Variants in FBXO8 observed in about 807,000 individuals in gnomAD.
The protein encoded by FBXO8 is F-box protein 8.
Under a neutral mutation model 33.4 loss-of-function variants are expected in FBXO8, and 15 were observed. That is an observed-to-expected ratio of 0.45 (90% confidence interval 0.30 to 0.69). FBXO8 has a LOEUF of 0.69. Ranked by LOEUF, FBXO8 falls within the 30% of genes least tolerant of loss-of-function variation. The probability of loss-of-function intolerance (pLI) is 0.08; values close to 1 mark genes in which losing one functional copy is unlikely to be tolerated. For synonymous variants in FBXO8, 132 were observed against 131.5 expected, an observed-to-expected ratio of 1.00 and a Z score of -0.02; for missense variants, 274 against 380.3, an observed-to-expected ratio of 0.72 and a Z score of 2.32.
rs964288691 is a variant in FBXO8, at chr4:174,254,639, T to C, written c.456+5060A>G. Among the ~76,000 whole-genome samples the C allele has an allele frequency of 1.3e-5, 2 of 152,206 alleles. No homozygotes were observed. Among genetic ancestry groups the C allele is most frequent in the Admixed American group, 1.3e-4 (2 of 15,280 alleles). ...TTCAGGTTTATTGCCTTACCCTTAC[T>C]GTCCAAAGTAATACTTCCCTTTCCA... On this transcript the variant is annotated intron_variant, in intron 3 of 5. Coordinates refer to ENST00000393674, the MANE Select transcript of FBXO8 (RefSeq NM_012180.3). This position sits in a 1 kb window ranked among gnomAD's most constrained non-coding sequence, Gnocchi z 4.2.
rs1029222575 is a variant in FBXO8, at chr4:174,245,780, T to C, written c.457-4562A>G. On this transcript the variant is annotated intron_variant, in intron 3 of 5. Transcript: ENST00000393674. The surrounding 1 kb of genome is among the most constrained non-coding windows in gnomAD (Gnocchi z 4.6). ...TATACAACTGTATATGTTACATATA[T>C]GTTACATATATGAAAATAACTTGAT... Among the ~76,000 whole-genome samples, 4 of 151,968 alleles carry C rather than the reference T, an allele frequency of 2.6e-5. No individual in the cohort carries two copies. Among genetic ancestry groups the C allele is most frequent in the Admixed American group, 6.6e-5 (1 of 15,206 alleles).
Position 174,252,118 on chromosome 4 carries a change from G to A in FBXO8, c.456+7581C>T, listed in dbSNP as rs1390114897. 5.3e-5 allele frequency among the ~76,000 whole-genome samples: 8 copies of A among 151,986 alleles called. No individual in the cohort carries two copies. The highest frequency in any genetic ancestry group is 1.9e-4 in the African/African-American group (8 of 41,406). ...TAAGTAGCTGCGACTCCAGACACATGCTATCATACCCGGTTAATTTCTGTA... is the reference window on the plus strand; with the variant it reads ...TAAGTAGCTGCGACTCCAGACACATACTATCATACCCGGTTAATTTCTGTA... On this transcript the variant is annotated intron_variant, in intron 3 of 5. Transcript: ENST00000393674. This position sits in a 1 kb window ranked among gnomAD's most constrained non-coding sequence, Gnocchi z 5.1.
rs1736901487 is a variant in FBXO8 at position 174,274,235 on chromosome 4, ACACGGAATCTGATTAGCC to A, written c.-9+9157_-9+9174del. On this transcript the variant is annotated intron_variant, in intron 1 of 5. Transcript: ENST00000393674. This position sits in a 1 kb window ranked among gnomAD's most constrained non-coding sequence, Gnocchi z 4.0. ...GAAGAAAGATCAGCATCAAACCCCA[ACACGGAATCTGATTAGCC>A]TGTGATTTCTGATCCTCATTCTTCT... Among the ~76,000 whole-genome samples the A allele has an allele frequency of 6.6e-6, 1 of 152,224 alleles. No homozygotes were observed. The highest frequency in any genetic ancestry group is 2.4e-5 in the African/African-American group (1 of 41,450).
chr4:174,270,994 G>A lies in FBXO8; in HGVS notation c.-8-7894C>T, dbSNP rs1375313917. Among the ~76,000 whole-genome samples the A allele has an allele frequency of 6.6e-6, 1 of 152,030 alleles. No individual in the cohort carries two copies. Among genetic ancestry groups the A allele is most frequent in the Non-Finnish European group, 1.5e-5 (1 of 67,994 alleles). ...CAGGAAACAGAAGAAACAATTTTTG[G>A]ACTCACTTTTGAAACAATCTTTTAT... is the stretch of plus-strand genomic sequence containing the variant. On this transcript the variant is annotated intron_variant, in intron 1 of 5. Coordinates refer to ENST00000393674, the MANE Select transcript of FBXO8 (RefSeq NM_012180.3). The surrounding 1 kb of genome is among the most constrained non-coding windows in gnomAD (Gnocchi z 4.6).
chr4:174,282,813 A>G (rs1416120028), intron 1 of FBXO8, among the ~76,000 whole-genome samples: 7 of 152,242 alleles, frequency 4.6e-5, no homozygotes, highest in Non-Finnish European at 7.3e-5. Flanking sequence ...AACTAAAAAA[A>G]TTAAATGACT....
chr4:174,282,362 CTGA>C (rs1296777951), intron 1 of FBXO8, among the ~76,000 whole-genome samples: 1 of 152,118 alleles, frequency 6.6e-6, no homozygotes, highest in African/African-American at 2.4e-5. Context: ...TGTACAGAAA[CTGA>C]TAATATTTGT....
In FBXO8 at chr4:174,270,492, A is replaced by G. The variant is rs1181897857; in HGVS notation, c.-8-7392T>C. On this transcript the variant is annotated intron_variant, in intron 1 of 5. Transcript: ENST00000393674. The surrounding 1 kb of genome is among the most constrained non-coding windows in gnomAD (Gnocchi z 4.6). The stretch of plus-strand genomic sequence containing the variant: ...CACCTGCTAACATTTCAGTAAAGTT[A>G]TATCTAGGATTACTAAACATATATG... Among the ~76,000 whole-genome samples, 4 of 152,296 alleles carry G rather than the reference A, an allele frequency of 2.6e-5. No homozygotes were observed. The East Asian group carries it at 7.7e-4, about 29-fold the overall frequency.
chr4:174,271,538 A>G (rs1281248742), intron 1 of FBXO8, among the ~76,000 whole-genome samples: 1 of 152,162 alleles, frequency 6.6e-6, no homozygotes, highest in Non-Finnish European at 1.5e-5. Context: ...TCACATATCT[A>G]GAATGCTTAG....
In FBXO8 at chr4:174,261,474, A is replaced by C. The variant is rs1736559610; in HGVS notation, c.329+1290T>G. ...AAACTTTTAAAAAAAGTTCAAACAA[A>C]CAGAAATTAAGTTAGTAAGGAATAC... On this transcript the variant is annotated intron_variant, in intron 2 of 5. Coordinates refer to ENST00000393674, the MANE Select transcript of FBXO8 (RefSeq NM_012180.3). This position sits in a 1 kb window ranked among gnomAD's most constrained non-coding sequence, Gnocchi z 4.1. Among the ~76,000 whole-genome samples the C allele has an allele frequency of 6.6e-6, 1 of 152,042 alleles. No homozygotes were observed. Among genetic ancestry groups the C allele is most frequent in the Non-Finnish European group, 1.5e-5 (1 of 67,886 alleles).
chr4:174,276,471 T>C (rs933394485), intron 1 of FBXO8, among the ~76,000 whole-genome samples: 1 of 152,148 alleles, frequency 6.6e-6, no homozygotes, highest in South Asian at 2.1e-4. Flanking sequence ...CTCCTGACTA[T>C]GTGATCCGCC....
chr4:174,260,129 G>A (rs1470842743), intron 2 of FBXO8, among the ~76,000 whole-genome samples: 2 of 151,904 alleles, frequency 1.3e-5, no homozygotes, highest in Non-Finnish European at 2.9e-5. Context: ...AACATTTACT[G>A]AATACTTACT....
At position 174,252,567 on chromosome 4, in the gene FBXO8, T is replaced by C. The variant is rs114300044; in HGVS notation, c.456+7132A>G. The stretch of plus-strand genomic sequence containing the variant: ...ACTAATACCCCTCATGGCTACCAGA[T>C]GGCTGCACATGGTCATGCCATTATA... On this transcript the variant is annotated intron_variant, in intron 3 of 5. Coordinates refer to ENST00000393674, the MANE Select transcript of FBXO8 (RefSeq NM_012180.3). The surrounding 1 kb of genome is among the most constrained non-coding windows in gnomAD (Gnocchi z 5.1). Among the ~76,000 whole-genome samples the C allele has an allele frequency of 2.7e-3, 407 of 152,202 alleles. 2 individuals are homozygous for C. Among genetic ancestry groups the C allele is most frequent in the African/African-American group, 6.9e-3 (286 of 41,532 alleles).
Position 174,254,740 on chromosome 4 carries a change from T to G in FBXO8, c.456+4959A>C, listed in dbSNP as rs1016614108. On this transcript the variant is annotated intron_variant, in intron 3 of 5. Transcript: ENST00000393674. The surrounding 1 kb of genome is among the most constrained non-coding windows in gnomAD (Gnocchi z 4.2). ...GACTCAATTCAACTCTCAGGGTTTG[T>G]TTGTTTGTTTGTTTTGTAGTAAGTA... Among the ~76,000 whole-genome samples the G allele has an allele frequency of 1.8e-4, 28 of 152,268 alleles. No homozygotes were observed. The highest frequency in any genetic ancestry group is 6.5e-4 in the African/African-American group (27 of 41,566).
chr4:174,237,547 A>G lies in FBXO8; in HGVS notation c.825T>C (p.Thr275=). 1 of 1,613,680 alleles carries G rather than the reference A, an allele frequency of 6.2e-7. No homozygotes were observed. The highest frequency in any genetic ancestry group is 1.1e-5 in the South Asian group (1 of 91,044). ...YSLILLSIDL[T]SPHVKNKMSK... ...ACATTTTATTCTTCACATGAGGGCT[A>G]GTGAGGTCAATGGAAAGTAGAATCA... Residue 275 remains threonine (T), a synonymous_variant, in exon 6 of 6, where the codon ACT becomes ACC. Coordinates refer to ENST00000393674, the MANE Select transcript of FBXO8 (RefSeq NM_012180.3). The surrounding 1 kb of genome is among the most constrained non-coding windows in gnomAD (Gnocchi z 4.4).
intron 3 of FBXO8, among the ~76,000 whole-genome samples, chr4:174,243,935 T>C (rs1201698892): frequency 2.0e-5 from 3 of 151,538 alleles, no homozygotes; most frequent in African/African-American, 4.8e-5. Flanking sequence ...TTAGGACTTA[T>C]CTGGATAAAG....
chr4:174,252,498 C>T lies in FBXO8; in HGVS notation c.456+7201G>A, dbSNP rs967118554. On this transcript the variant is annotated intron_variant, in intron 3 of 5. Transcript: ENST00000393674. This position sits in a 1 kb window ranked among gnomAD's most constrained non-coding sequence, Gnocchi z 5.1. ...GTTGTTGGGCTCACAGATAGCATCA[C>T]AGACCCAATTCTTTCTTTCCAGTCT... is the stretch of plus-strand genomic sequence containing the variant. Among the ~76,000 whole-genome samples the T allele has an allele frequency of 3.9e-5, 6 of 152,136 alleles. No homozygotes were observed. The highest frequency in any genetic ancestry group is 8.8e-5 in the Non-Finnish European group (6 of 68,018).
chr4:174,271,267 T>C (rs1736833083), intron 1 of FBXO8, among the ~76,000 whole-genome samples: 1 of 152,162 alleles, frequency 6.6e-6, no homozygotes, highest in African/African-American at 2.4e-5. Flanking sequence ...TGCAATCGTA[T>C]GGAGAGGGAA....
rs1229475796 is a variant in FBXO8, at chr4:174,256,842, ACATGGCC to A, written c.456+2850_456+2856del. On this transcript the variant is annotated intron_variant, in intron 3 of 5. Coordinates refer to ENST00000393674, the MANE Select transcript of FBXO8 (RefSeq NM_012180.3). This position sits in a 1 kb window ranked among gnomAD's most constrained non-coding sequence, Gnocchi z 4.6. ...CAGCTCTATGCCTCCTGGGAGTACT[ACATGGCC>A]CTTTTAGAATGATAAATTCAGTGCC... 6.6e-6 allele frequency among the ~76,000 whole-genome samples: 1 copy of A among 152,042 alleles called. No individual in the cohort carries two copies.
Position 174,265,817 on chromosome 4 carries a change from A to G in FBXO8, c.-8-2717T>C, listed in dbSNP as rs1369501847. On this transcript the variant is annotated intron_variant, in intron 1 of 5. Coordinates refer to ENST00000393674, the MANE Select transcript of FBXO8 (RefSeq NM_012180.3). This position sits in a 1 kb window ranked among gnomAD's most constrained non-coding sequence, Gnocchi z 4.7. Reference sequence around the variant, plus strand: ...CAAATTGAACATTTTAAGTCTACTAATCATAAAGAAAAGTATTTTATTTTC... The same window carrying G: ...CAAATTGAACATTTTAAGTCTACTAGTCATAAAGAAAAGTATTTTATTTTC... 1.3e-5 allele frequency among the ~76,000 whole-genome samples: 2 copies of G among 152,200 alleles called. No individual in the cohort carries two copies. Among genetic ancestry groups the G allele is most frequent in the Non-Finnish European group, 2.9e-5 (2 of 68,032 alleles).
Sources: gnomAD v4.1 joint callset for allele counts (sites outside exome capture counted in the v4.1 genomes callset) on GRCh38, gnomAD v4.1.1 for gene constraint, Gnocchi (gnomAD v3.1) non-coding constraint, MANE v1.5 for transcripts, NCBI Gene and HGNC (gene_info 2026-07-23, HGNC 2026-07-21) for gene names.